Variants in ZNF354B observed in about 807,000 individuals in gnomAD.
ZNF354B encodes zinc finger protein 354B.
In ZNF354B, 10 loss-of-function variants were observed where a neutral mutation model predicts 12.9. The observed-to-expected ratio is 0.77, with a 90% CI of 0.48 to 1.31. ZNF354B has a LOEUF of 1.31. Ranked by LOEUF, ZNF354B falls within the 40% of genes most tolerant of loss-of-function variation. The pLI is 0.00. For missense variants in ZNF354B, 614 were observed against 711.7 expected, an observed-to-expected ratio of 0.86 and a Z score of 1.56; for synonymous variants, 260 against 243.7, an observed-to-expected ratio of 1.07 and a Z score of -0.62.
chr5:178,883,740 A>G lies in ZNF354B; in HGVS notation c.1288A>G (p.Ile430Val), dbSNP rs771965153. 6.2e-7 allele frequency: 1 copy of G among 1,614,196 alleles called. No individual in the cohort carries two copies. Among genetic ancestry groups the G allele is most frequent in the Non-Finnish European group, 8.5e-7 (1 of 1,180,012 alleles). ...TATTTCACGACTTAATAGACACCGA[A>G]TAATTCATACTGGAGAGAAATTGTA... ...TSISRLNRHR[I>V]IHTGEKLYNC... Residue 430 changes from isoleucine (I) to valine (V), a missense_variant, in exon 5 of 5, where the codon ATA becomes GTA. Coordinates refer to ENST00000322434, the MANE Select transcript of ZNF354B (RefSeq NM_058230.3).
intron 4 of ZNF354B, among the ~76,000 whole-genome samples, chr5:178,868,882 G>T (rs112546689): frequency 0.14 from 21,171 of 151,296 alleles, 1,726 homozygotes; most frequent in African/African-American, 0.23. Context: ...TGAGGCAGGA[G>T]AATGGCGTGA....
chr5:178,880,466 G>A (rs1757701195), intron 4 of ZNF354B, among the ~76,000 whole-genome samples: 1 of 151,036 alleles, frequency 6.6e-6, no homozygotes, highest in African/African-American at 2.4e-5. Context: ...CCAAAGTTTT[G>A]GGATTACAGG....
intron 2 of ZNF354B, among the ~76,000 whole-genome samples, chr5:178,863,065 G>T (rs77176418): frequency 0.15 from 22,550 of 152,052 alleles, 2,042 homozygotes; most frequent in African/African-American, 0.25. Context: ...GATACACAGT[G>T]GTTCAAATTA....
At chr5:178,875,093 T>C (rs993036734) in intron 4 of ZNF354B, among the ~76,000 whole-genome samples, 2 of 152,198 alleles carry the variant, frequency 1.3e-5, no homozygotes, top group African/African-American at 4.8e-5. Context: ...GTGACTCCTC[T>C]GTATTTCCTC....
At chr5:178,881,999 A>G (rs1757725579) in intron 4 of ZNF354B, among the ~76,000 whole-genome samples, 1 of 152,188 alleles carries the variant, frequency 6.6e-6, no homozygotes, top group Non-Finnish European at 1.5e-5. Context: ...TGTAGGGAAA[A>G]TAATGGGTGT....
chr5:178,864,467 C>T (rs549015559), intron 2 of ZNF354B, among the ~76,000 whole-genome samples: 28 of 152,080 alleles, frequency 1.8e-4, no homozygotes, highest in South Asian at 1.2e-3. Flanking sequence ...ATGCATTTCT[C>T]AGAATGTACC....
intron 4 of ZNF354B, among the ~76,000 whole-genome samples, chr5:178,869,896 G>A (rs1013542965): frequency 1.3e-5 from 2 of 152,144 alleles, no homozygotes; most frequent in African/African-American, 4.8e-5. Context: ...TGTCTGCCTG[G>A]ACTAAGATTG....
At position 178,882,971 on chromosome 5, in the gene ZNF354B, C is replaced by T; in HGVS notation, c.519C>T (p.Phe173=). 6.2e-7 allele frequency: 1 copy of T among 1,608,858 alleles called. No individual in the cohort carries two copies. Among genetic ancestry groups the T allele is most frequent in the Non-Finnish European group, 8.5e-7 (1 of 1,178,864 alleles). The part of the protein sequence containing the change: ...FGQNFYLKSV[F]IKQQRFAKEK... ...AAAACTTCTACCTGAAATCAGTCTT[C>T]ATTAAGCAACAGAGATTTGCTAAAG... Residue 173 remains phenylalanine (F), a synonymous_variant, in exon 5 of 5, where the codon TTC becomes TTT. Coordinates refer to ENST00000322434, the MANE Select transcript of ZNF354B (RefSeq NM_058230.3).
rs116677619 is a variant in ZNF354B at position 178,870,914 on chromosome 5, C to T, written c.256+3843C>T. On this transcript the variant is annotated intron_variant, in intron 4 of 4. Coordinates refer to ENST00000322434, the MANE Select transcript of ZNF354B (RefSeq NM_058230.3). ...GCCTCAAGCAATCCTCCCATGTCAG[C>T]CTCCCAAAATGCTGGGATTATAGGC... Among the ~76,000 whole-genome samples the T allele has an allele frequency of 4.2e-3, 643 of 152,258 alleles. 6 individuals carry two copies. The highest frequency in any genetic ancestry group is 5.6e-3 in the Non-Finnish European group (383 of 68,030).
intron 2 of ZNF354B, among the ~76,000 whole-genome samples, chr5:178,863,149 C>T (rs116272843): frequency 0.013 from 2,003 of 152,086 alleles, 49 homozygotes; most frequent in African/African-American, 0.045. Context: ...GTACTCTTCC[C>T]CAATATGCAG....
chr5:178,863,728 C>G lies in ZNF354B; in HGVS notation c.34-2516C>G, dbSNP rs62393049. Reference sequence around the variant, plus strand: ...GCTTTGTTCTCATAGGAGATGACAGCTGCATGTGTGTCATTGCCCCTGAAG... The same window carrying G: ...GCTTTGTTCTCATAGGAGATGACAGGTGCATGTGTGTCATTGCCCCTGAAG... On this transcript the variant is annotated intron_variant, in intron 2 of 4. Transcript: ENST00000322434. Among the ~76,000 whole-genome samples the G allele has an allele frequency of 6.6e-3, 1,005 of 152,270 alleles. 6 individuals carry two copies. Among genetic ancestry groups the G allele is most frequent in the Non-Finnish European group, 0.011 (772 of 68,018 alleles).
At chr5:178,866,899 A>C in intron 3 of ZNF354B, 77 bp from the exon 4 acceptor site, 2 of 1,402,284 alleles carry the variant, frequency 1.4e-6, no homozygotes, top group Non-Finnish European at 2.0e-6. Context: ...AGCCACGGTT[A>C]CCCTAATAAT....
intron 4 of ZNF354B, among the ~76,000 whole-genome samples, chr5:178,869,015 G>T (rs1176231172): frequency 6.6e-6 from 1 of 151,642 alleles, no homozygotes; most frequent in Non-Finnish European, 1.5e-5. Flanking sequence ...GTCCAAAGAA[G>T]TAAAGCCAGT....
At chr5:178,869,830 G>T (rs1335218129) in intron 4 of ZNF354B, among the ~76,000 whole-genome samples, 1 of 152,112 alleles carries the variant, frequency 6.6e-6, no homozygotes, top group Non-Finnish European at 1.5e-5. Flanking sequence ...GAAGTCAGAT[G>T]GCATTCCTAG....
intron 2 of ZNF354B, among the ~76,000 whole-genome samples, chr5:178,864,243 C>A (rs1431577021): frequency 6.6e-6 from 1 of 152,174 alleles, no homozygotes; most frequent in Non-Finnish European, 1.5e-5. Context: ...CTGTTTTATG[C>A]TGTAGCGTAC....
chr5:178,873,190 T>C (rs6870926), intron 4 of ZNF354B, among the ~76,000 whole-genome samples: 22,559 of 152,190 alleles, frequency 0.15, 2,051 homozygotes, highest in African/African-American at 0.25. Flanking sequence ...TTATATATGC[T>C]GGATAGTAGT....
intron 4 of ZNF354B, 131 bp from the exon 5 acceptor site, chr5:178,882,578 T>G (rs1757732074): frequency 1.1e-6 from 1 of 876,870 alleles, no homozygotes; most frequent in African/African-American, 1.8e-5. Flanking sequence ...TTATATAGTG[T>G]TTTTTAGAAT....
At chr5:178,863,762 G>C (rs1450310502) in intron 2 of ZNF354B, among the ~76,000 whole-genome samples, 3 of 152,204 alleles carry the variant, frequency 2.0e-5, no homozygotes, top group Non-Finnish European at 4.4e-5. Context: ...AGACCTTCCA[G>C]TGGGGCAGGG....
At chr5:178,879,238 G>C (rs928259023) in intron 4 of ZNF354B, among the ~76,000 whole-genome samples, 1 of 151,868 alleles carries the variant, frequency 6.6e-6, no homozygotes, top group Non-Finnish European at 1.5e-5. Context: ...GTAGAGATGG[G>C]GTTTCACCAT....
Sources: gnomAD v4.1 joint callset for allele counts (sites outside exome capture counted in the v4.1 genomes callset) on GRCh38, gnomAD v4.1.1 for gene constraint, MANE v1.5 for transcripts, NCBI Gene and HGNC (gene_info 2026-07-23, HGNC 2026-07-21) for gene names.